NUP188: variants seen among roughly 807,000 people sequenced by gnomAD.
The protein encoded by NUP188 is nucleoporin 188.
A neutral mutation model predicts 223.0 loss-of-function variants in NUP188; 97 were observed. That is an observed-to-expected ratio of 0.43 (90% CI 0.37 to 0.51). NUP188 has a LOEUF of 0.51. NUP188 is among the 20% of genes least tolerant of loss of function. The probability of loss-of-function intolerance (pLI) is 0.00; values close to 1 mark genes in which losing one functional copy is unlikely to be tolerated. For missense variants in NUP188, 1,947 were observed against 2,175.6 expected (o/e 0.89, Z 2.09); for synonymous variants, 869 against 828.0 (o/e 1.05, Z -0.85).
At chr9:128,989,310 G>A (rs904351419) in intron 24 of NUP188, among the ~76,000 whole-genome samples, 3 of 151,702 alleles carry the variant, frequency 2.0e-5, no homozygotes, top group African/African-American at 7.3e-5. Flanking sequence ...CTGAGGTTGG[G>A]GGATTGTTTG....
At chr9:128,953,656 AC>A (rs1380110246) in intron 3 of NUP188, among the ~76,000 whole-genome samples, 1 of 152,196 alleles carries the variant, frequency 6.6e-6, no homozygotes, top group Non-Finnish European at 1.5e-5. Flanking sequence ...TATCTAAAAT[AC>A]ATGGACTTTT....
rs1205927251 is a variant in NUP188 at position 128,947,762 on chromosome 9, G to A, written c.32+11G>A. ...CGGGCCGTGTGTGAGGTGCGGAGCG[G>A]GTCGAATGGACCGGGGTGGCTGTGA... On this transcript the variant is annotated intron_variant, in intron 1 of 43. Coordinates refer to ENST00000372577, the MANE Select transcript of NUP188 (RefSeq NM_015354.3). 6.9e-7 allele frequency: 1 copy of A among 1,443,912 alleles called. No individual in the cohort carries two copies. Among genetic ancestry groups the A allele is most frequent in the Non-Finnish European group, 9.1e-7 (1 of 1,100,530 alleles). 89.4% of individuals were successfully genotyped at this position (1,443,912 alleles called of 1,614,324 possible).
At chr9:128,973,979 C>T (rs1384536632) in intron 12 of NUP188, among the ~76,000 whole-genome samples, 2 of 151,850 alleles carry the variant, frequency 1.3e-5, no homozygotes, top group Non-Finnish European at 2.9e-5. Flanking sequence ...GACGCGATCT[C>T]GGCTCACTGC....
intron 28 of NUP188, 58 bp from the exon 29 acceptor site, chr9:128,994,798 T>C (rs1668258648): frequency 1.5e-6 from 2 of 1,375,846 alleles, no homozygotes; most frequent in Admixed American, 1.7e-5. Context: ...CTGTTTGATA[T>C]ACTGGGGGAG....
Position 128,947,931 on chromosome 9 carries a change from A to C in NUP188, c.32+180A>C, listed in dbSNP as rs1841711773. ...AACGGTCCCCGCGCGCGGGGATCTG[A>C]AGAGTCTTCTTCAGGAGGGGGGCCG... On this transcript the variant is annotated intron_variant, in intron 1 of 43. Coordinates refer to ENST00000372577, the MANE Select transcript of NUP188 (RefSeq NM_015354.3). 4 of 448,510 alleles carry C rather than the reference A, an allele frequency of 8.9e-6. No individual in the cohort carries two copies. The East Asian group carries it at 1.4e-4, about 16-fold the overall frequency. The allele number at this position is 448,510 out of a possible 1,614,324, so 27.8% of individuals were successfully genotyped here.
chr9:128,952,397 TCA>T (rs1841802657), intron 2 of NUP188, among the ~76,000 whole-genome samples: 1 of 113,538 alleles, frequency 8.8e-6, no homozygotes, highest in African/African-American at 3.6e-5. Flanking sequence ...AGACTCCGTC[TCA>T]AAAAAAAAAA....
rs1332435499 is a variant in NUP188, at chr9:129,006,353, G to C, written c.5058G>C (p.Glu1686Asp). 1 of 1,614,234 alleles carries C rather than the reference G, an allele frequency of 6.2e-7. No homozygotes were observed. The highest frequency in any genetic ancestry group is 8.5e-7 in the Non-Finnish European group (1 of 1,180,042). The change falls in exon 43 of 44, where the codon GAG (glutamate) becomes GAC (aspartate). Residue 1686 changes from glutamate (E) to aspartate (D), a missense_variant. Glu to Asp is a conservative substitution (Grantham distance 45). Around this residue, in one of 3 missense-constraint regions of NUP188, gnomAD observed 905 missense variants for 990.6 expected, o/e 0.91. Coordinates refer to ENST00000372577, the MANE Select transcript of NUP188 (RefSeq NM_015354.3). The part of the protein sequence containing the change: ...HPRDKQRMKQ[E>D]LSSELSTLLS... The stretch of plus-strand genomic sequence containing the variant: ...GGGACAAACAGCGGATGAAGCAGGA[G>C]CTCAGCTCTGAGTTGGTACGGATGG...
chr9:128,987,714 G>T lies in NUP188; in HGVS notation c.2390G>T (p.Arg797Leu). ...GACATGGTGATGGCTGCTCAGCCTC[G>T]AAGGTAGGGCTCCTTCTCCACGTTC... ...TIDMVMAAQP[R>L]SDGAEGQGQG... is the part of the protein sequence containing the mutation. The change falls in exon 23 of 44, where the codon CGA becomes CTA. Residue 797 changes from arginine (R) to leucine (L), a missense_variant. This residue lies in a region of NUP188 where 225 missense variants were observed against 319.1 expected (regional missense o/e 0.71). Coordinates refer to ENST00000372577, the MANE Select transcript of NUP188 (RefSeq NM_015354.3). 6.2e-7 allele frequency: 1 copy of T among 1,613,276 alleles called. No individual in the cohort carries two copies. Among genetic ancestry groups the T allele is most frequent in the Non-Finnish European group, 8.5e-7 (1 of 1,179,760 alleles).
intron 2 of NUP188, among the ~76,000 whole-genome samples, chr9:128,949,954 G>A (rs1841757704): frequency 8.1e-6 from 1 of 123,036 alleles, no homozygotes; most frequent in Non-Finnish European, 1.7e-5. Context: ...TGAGGGGGGT[G>A]TCTTGCTCCC....
intron 6 of NUP188, among the ~76,000 whole-genome samples, chr9:128,958,293 T>G (rs930513915): frequency 6.6e-6 from 1 of 152,246 alleles, no homozygotes; most frequent in Non-Finnish European, 1.5e-5. Flanking sequence ...GGATATTTTT[T>G]CTTTAGGTGT....
intron 8 of NUP188, among the ~76,000 whole-genome samples, chr9:128,965,419 G>C (rs1028163029): frequency 6.6e-6 from 1 of 152,038 alleles, no homozygotes; most frequent in Middle Eastern, 3.4e-3. Flanking sequence ...ACTCATTTCT[G>C]ATAATGGTAG....
At chr9:129,004,404 T>C (rs1842736730) in intron 38 of NUP188, 1 of 152,204 alleles carries the variant, frequency 6.6e-6, no homozygotes, top group Non-Finnish European at 1.5e-5. Flanking sequence ...GGCAGGCTTC[T>C]CTTATCTGCT....
intron 3 of NUP188, among the ~76,000 whole-genome samples, chr9:128,953,737 A>G (rs569767696): frequency 6.6e-6 from 1 of 152,240 alleles, no homozygotes; most frequent in South Asian, 2.1e-4. Flanking sequence ...CAGTGGGGAA[A>G]CTGAGGCACA....
In NUP188 at chr9:128,964,759, G is replaced by A. The variant is rs555470514; in HGVS notation, c.586-3747G>A. On this transcript the variant is annotated intron_variant, in intron 8 of 43. Coordinates refer to ENST00000372577, the MANE Select transcript of NUP188 (RefSeq NM_015354.3). ...CTCACTCAGTCACCCAGGCTGGAGT[G>A]CAGTGGCACGATGTTGGCTAAGTGT... Among the ~76,000 whole-genome samples the A allele has an allele frequency of 4.8e-5, 7 of 145,960 alleles. No homozygotes were observed. In the East Asian group the frequency reaches 1.4e-3, roughly 29 times the overall value.
At chr9:128,980,274 C>T (rs1842237102) in intron 13 of NUP188, among the ~76,000 whole-genome samples, 1 of 152,132 alleles carries the variant, frequency 6.6e-6, no homozygotes, top group Admixed American at 6.6e-5. Flanking sequence ...TCTGTGGTTG[C>T]TGTGTGGTAG....
intron 2 of NUP188, 37 bp from the exon 3 acceptor site, chr9:128,952,736 A>AC: frequency 6.3e-7 from 1 of 1,575,482 alleles, no homozygotes; most frequent in East Asian, 2.3e-5. Context: ...AAAAAAAAAA[A>AC]ATACTGCATT....
At chr9:128,957,566 G>A (rs1248251602) in intron 5 of NUP188, among the ~76,000 whole-genome samples, 2 of 152,016 alleles carry the variant, frequency 1.3e-5, no homozygotes, top group East Asian at 1.9e-4. Flanking sequence ...CCGGGTTCAC[G>A]CCATTCTCCT....
In NUP188 at chr9:128,984,886, AC is replaced by A. The variant is rs773448299; in HGVS notation, c.1962-13del. 4.0e-5 allele frequency: 62 copies of A among 1,555,066 alleles called. No homozygotes were observed. The African/African-American group carries it at 7.7e-4, about 19-fold the overall frequency. On this transcript the variant is annotated splice_polypyrimidine_tract_variant and intron_variant, in intron 19 of 43. Coordinates refer to ENST00000372577, the MANE Select transcript of NUP188 (RefSeq NM_015354.3). ...TTTCCCTATCATTTTTTTTCCCTCT[AC>A]TTCTTTTTCCAGTGCGGAAGGGATG...
chr9:128,959,061 C>G lies in NUP188; in HGVS notation c.512C>G (p.Ser171Ter), dbSNP rs746484535. 1 of 1,600,512 alleles carries G rather than the reference C, an allele frequency of 6.2e-7. No individual in the cohort carries two copies. The highest frequency in any genetic ancestry group is 1.1e-5 in the South Asian group (1 of 88,532). ...GATAAATTGGAGAAGGAACTAGTTTCAAAATACAGACAGCAGTTCGAAGAG... is the reference window on the plus strand; with the variant it reads ...GATAAATTGGAGAAGGAACTAGTTTGAAAATACAGACAGCAGTTCGAAGAG... The part of the protein sequence containing the change: ...CVDKLEKELV[S>*]KYRQQFEELY... The change falls in exon 8 of 44, where the codon TCA (serine) becomes TGA (stop). Residue 171 changes from serine to a stop codon, truncating the protein, a stop_gained. Transcript: ENST00000372577. LOFTEE classifies it high-confidence loss of function.
Sources: allele counts gnomAD v4.1 joint callset (sites outside exome capture counted in the v4.1 genomes callset), GRCh38; gene constraint gnomAD v4.1.1; regional missense constraint gnomAD v4.1.1; transcripts MANE v1.5; gene names NCBI Gene and HGNC (gene_info 2026-07-23, HGNC 2026-07-21).